CTSA: variants seen among roughly 807,000 people sequenced by gnomAD.
CTSA encodes cathepsin A.
CTSA carries 42 observed loss-of-function variants against 66.7 expected under a neutral mutation model. The ratio of observed to expected loss-of-function variants is 0.63; its 90% confidence interval spans 0.49 to 0.81. The LOEUF is 0.81. CTSA is among the 40% of genes least tolerant of loss of function. The probability of loss-of-function intolerance (pLI) is 0.00; values close to 1 mark genes in which losing one functional copy is unlikely to be tolerated. For missense variants in CTSA, 525 were observed against 610.9 expected, an observed-to-expected ratio of 0.86 and a Z score of 1.48; for synonymous variants, 225 against 248.6, an observed-to-expected ratio of 0.91 and a Z score of 0.89.
In CTSA at chr20:45,891,936, A is replaced by AT. The variant is rs1986976160; in HGVS notation, c.216dup (p.Pro73SerfsTer67). On this transcript the variant is annotated frameshift_variant, in exon 3 of 15. Transcript: ENST00000646241. LOFTEE classifies it high-confidence loss of function. This position sits in a 1 kb window ranked among gnomAD's most constrained non-coding sequence, Gnocchi z 4.6. Reference sequence around the variant, plus strand: ...CCCAGGTTTGTGGAGTCCCAGAAGGATCCCGAGAACAGCCCTGTGGTGCTT... The same window carrying AT: ...CCCAGGTTTGTGGAGTCCCAGAAGGATTCCCGAGAACAGCCCTGTGGTGCTT... 1.9e-6 allele frequency: 3 copies of AT among 1,614,094 alleles called. No homozygotes were observed. Among genetic ancestry groups the AT allele is most frequent in the Non-Finnish European group, 2.5e-6 (3 of 1,179,992 alleles).
chr20:45,893,460 G>A, intron 7 of CTSA, 149 bp downstream of exon 7: 1 of 660,832 alleles, frequency 1.5e-6, no homozygotes. Flanking sequence ...AAAGGCCAAA[G>A]AATAGAGATC....
rs1307229203 is a variant in CTSA at position 45,894,986 on chromosome 20, C to A, written c.949-8C>A. The A allele has an allele frequency of 6.2e-7, 1 of 1,614,154 alleles. No individual in the cohort carries two copies. The highest frequency in any genetic ancestry group is 1.7e-5 in the Admixed American group (1 of 60,030). ...CAGAGGCCCTGACCCACTGTCTGTGCCTTCCAGGCACTGCTGCGCTCAGGG... is the reference window on the plus strand; with the variant it reads ...CAGAGGCCCTGACCCACTGTCTGTGACTTCCAGGCACTGCTGCGCTCAGGG... On this transcript the variant is annotated splice_polypyrimidine_tract_variant and splice_region_variant and intron_variant, in intron 10 of 14. Transcript: ENST00000646241.
At chr20:45,892,970 C>G in intron 6 of CTSA, 90 bp downstream of exon 6, 4 of 1,473,776 alleles carry the variant, frequency 2.7e-6, no homozygotes, top group Non-Finnish European at 3.7e-6. Context: ...ATGTCCCCAT[C>G]CAACCCAGCT....
intron 11 of CTSA, chr20:45,896,296 C>T (rs1188485224): frequency 6.5e-6 from 1 of 153,578 alleles, no homozygotes; most frequent in Non-Finnish European, 1.4e-5. Context: ...AGCAGGGCTG[C>T]TCAGGTCCAT....
Position 45,892,775 on chromosome 20 carries a change from G to T in CTSA, c.495G>T (p.Pro165=). 6.2e-7 allele frequency: 1 copy of T among 1,614,108 alleles called. No individual in the cohort carries two copies. The highest frequency in any genetic ancestry group is 8.5e-7 in the Non-Finnish European group (1 of 1,180,040). ...EALQDFFRLF[P]EYKNNKLFLT... is the part of the protein sequence containing the mutation. The stretch of plus-strand genomic sequence containing the variant: ...TTCAAGATTTCTTCCGCCTCTTTCC[G>T]GAGTACAAGAACAACAAACTTTTCC... Residue 165 remains proline, a synonymous_variant, in exon 6 of 15, where the codon CCG becomes CCT. Transcript: ENST00000646241.
rs771732318 is a variant in CTSA at position 45,897,039 on chromosome 20, A to G, written c.1163A>G (p.Gln388Arg). Residue 388 changes from glutamine to arginine, a missense_variant and splice_region_variant, in exon 12 of 15, where the codon CAG becomes CGG. Coordinates refer to ENST00000646241, the MANE Select transcript of CTSA (RefSeq NM_000308.4). ...NSQYLKLLSS[Q>R]KYQILLYNGD... Reference sequence around the variant, plus strand: ...CAGTATCTGAAGCTGCTTAGCTCACAGGTGAGTGGGGAGAGCACAGCTGGA... The same window carrying G: ...CAGTATCTGAAGCTGCTTAGCTCACGGGTGAGTGGGGAGAGCACAGCTGGA... The G allele has an allele frequency of 2.5e-5, 41 of 1,612,066 alleles. No individual in the cohort carries two copies. Among genetic ancestry groups the G allele is most frequent in the Non-Finnish European group, 3.4e-5 (40 of 1,178,448 alleles).
intron 3 of CTSA, 51 bp from the exon 4 acceptor site, chr20:45,892,222 C>G: frequency 6.3e-7 from 1 of 1,597,098 alleles, no homozygotes; most frequent in Non-Finnish European, 8.6e-7. Flanking sequence ...GGCCCTTTCC[C>G]TCCACCCAGC....
In CTSA at chr20:45,898,284, G is replaced by A. The variant is rs2083134658; in HGVS notation, c.1360-83G>A. On this transcript the variant is annotated intron_variant, in intron 14 of 14. Coordinates refer to ENST00000646241, the MANE Select transcript of CTSA (RefSeq NM_000308.4). This position sits in a 1 kb window ranked among gnomAD's most constrained non-coding sequence, Gnocchi z 4.6. ...GTTCTGGGAAGAATAAAGGGTTTGG[G>A]ATGAAGGAATTGCCCCCGAGTGAGC... 2.2e-6 allele frequency: 3 copies of A among 1,391,932 alleles called. No homozygotes were observed. The highest frequency in any genetic ancestry group is 4.9e-5 in the East Asian group (2 of 41,146). 86.2% of individuals were successfully genotyped at this position (1,391,932 alleles called of 1,614,324 possible). A position where few individuals can be genotyped will look rare whatever the true frequency, so the allele number is the denominator to read the frequency against.
rs996511648 is a variant in CTSA, at chr20:45,893,851, T to C, written c.693-137T>C. Reference sequence around the variant, plus strand: ...TCTTTGGGAGCTAGCTTAGATGACATACAGACCACACCCTGTGATATCTTT... The same window carrying C: ...TCTTTGGGAGCTAGCTTAGATGACACACAGACCACACCCTGTGATATCTTT... On this transcript the variant is annotated intron_variant, in intron 7 of 14. Coordinates refer to ENST00000646241, the MANE Select transcript of CTSA (RefSeq NM_000308.4). The C allele has an allele frequency of 1.1e-5, 8 of 736,698 alleles. No homozygotes were observed. In the African/African-American group the frequency reaches 1.2e-4, roughly 11 times the overall value. The allele number at this position is 736,698 out of a possible 1,614,324, so 45.6% of individuals were successfully genotyped here.
chr20:45,897,555 G>T, intron 12 of CTSA, 162 bp from the exon 13 acceptor site: 1 of 648,318 alleles, frequency 1.5e-6, no homozygotes, highest in Non-Finnish European at 2.8e-6. Flanking sequence ...ACATTTAGTA[G>T]AATACTGGAC....
Position 45,893,033 on chromosome 20 carries a change from C to G in CTSA, c.600+153C>G. 4.0e-6 allele frequency: 4 copies of G among 1,006,030 alleles called. No homozygotes were observed. In the South Asian group the frequency reaches 5.5e-5, roughly 14 times the overall value. The allele number at this position is 1,006,030 out of a possible 1,614,324, so 62.3% of individuals were successfully genotyped here. ...GCCCTAGGTCTGTCTGTGTGCCTCC[C>G]ACACAGGAAACTCACCTGTCAGGCT... On this transcript the variant is annotated intron_variant, in intron 6 of 14. Coordinates refer to ENST00000646241, the MANE Select transcript of CTSA (RefSeq NM_000308.4).
At position 45,892,833 on chromosome 20, in the gene CTSA, C is replaced by A; in HGVS notation, c.553C>A (p.Pro185Thr). ...TGESYAGIYI[P>T]TLAVLVMQDP... ...GGAGAGCTATGCTGGCATCTACATCCCCACCCTGGCCGTGCTGGTCATGCA... is the reference window on the plus strand; with the variant it reads ...GGAGAGCTATGCTGGCATCTACATCACCACCCTGGCCGTGCTGGTCATGCA... The change falls in exon 6 of 15, where the codon CCC becomes ACC. Residue 185 changes from proline to threonine, a missense_variant. Around this residue, in one of 3 missense-constraint regions of CTSA, gnomAD observed 246 missense variants for 267.4 expected, o/e 0.92. Coordinates refer to ENST00000646241, the MANE Select transcript of CTSA (RefSeq NM_000308.4). 1 of 1,614,156 alleles carries A rather than the reference C, an allele frequency of 6.2e-7. No homozygotes were observed. Among genetic ancestry groups the A allele is most frequent in the Middle Eastern group, 1.6e-4 (1 of 6,062 alleles).
chr20:45,891,788 G>A lies in CTSA; in HGVS notation c.194+26G>A, dbSNP rs1986961745. The A allele has an allele frequency of 6.2e-7, 1 of 1,613,378 alleles. No individual in the cohort carries two copies. Among genetic ancestry groups the A allele is most frequent in the Admixed American group, 1.7e-5 (1 of 60,002 alleles). ...GTCTGCCGCCCTGCCTTCTGGGCGG[G>A]ATTGGGAGAAGAGATGACGGATGAG... is the stretch of plus-strand genomic sequence containing the variant. On this transcript the variant is annotated intron_variant, in intron 2 of 14. Transcript: ENST00000646241. The surrounding 1 kb of genome is among the most constrained non-coding windows in gnomAD (Gnocchi z 4.6).
Position 45,898,101 on chromosome 20 carries a change from A to G in CTSA, c.1351A>G (p.Thr451Ala), listed in dbSNP as rs1484324356. 6.2e-7 allele frequency: 1 copy of G among 1,613,972 alleles called. No homozygotes were observed. The highest frequency in any genetic ancestry group is 1.1e-5 in the South Asian group (1 of 91,080). The change falls in exon 14 of 15, where the codon ACG (threonine) becomes GCG (alanine). Residue 451 changes from threonine (T) to alanine (A), a missense_variant. This residue lies in a region of CTSA where 274 missense variants were observed against 321.1 expected (regional missense o/e 0.85). Transcript: ENST00000646241. This position sits in a 1 kb window ranked among gnomAD's most constrained non-coding sequence, Gnocchi z 4.6. ...GGAGTTCTCCCACATCGCCTTTCTC[A>G]CGATCAAGGTAGGGACTGGGCCTGC... ...VKEFSHIAFL[T>A]IKGAGHMVPT...
chr20:45,891,492 C>T lies in CTSA; in HGVS notation c.1-77C>T. 1 of 1,549,138 alleles carries T rather than the reference C, an allele frequency of 6.5e-7. No homozygotes were observed. Among genetic ancestry groups the T allele is most frequent in the South Asian group, 1.2e-5 (1 of 85,402 alleles). The stretch of plus-strand genomic sequence containing the variant: ...GGCCGGGGCTTCCCTCGCGGAGGCG[C>T]CGCCAGCAACTCCCCGGGGGCTGCT... On this transcript the variant is annotated intron_variant, in intron 1 of 14. Coordinates refer to ENST00000646241, the MANE Select transcript of CTSA (RefSeq NM_000308.4). The surrounding 1 kb of genome is among the most constrained non-coding windows in gnomAD (Gnocchi z 4.6).
At position 45,891,397 on chromosome 20, in the gene CTSA, G is replaced by A. The variant is rs1162144111; in HGVS notation, c.-1+18G>A. 2 of 1,564,986 alleles carry A rather than the reference G, an allele frequency of 1.3e-6. No individual in the cohort carries two copies. The highest frequency in any genetic ancestry group is 1.7e-6 in the Non-Finnish European group (2 of 1,155,628). On this transcript the variant is annotated intron_variant, in intron 1 of 14. Transcript: ENST00000646241. The surrounding 1 kb of genome is among the most constrained non-coding windows in gnomAD (Gnocchi z 4.6). ...GAGCAGAGGTGAGCTGGCACCGGAG[G>A]CTGGAGGGGATCCCCGAGCCCGGGA...
At position 45,894,833 on chromosome 20, in the gene CTSA, G is replaced by T. The variant is rs142892564; in HGVS notation, c.880G>T (p.Asp294Tyr). 1 of 1,613,966 alleles carries T rather than the reference G, an allele frequency of 6.2e-7. No individual in the cohort carries two copies. Among genetic ancestry groups the T allele is most frequent in the Non-Finnish European group, 8.5e-7 (1 of 1,180,012 alleles). ...CACCTCACATTGCAGGTATGAGAAG[G>T]ACACTGTTGTGGTCCAGGATTTGGG... ...GVPSHFRYEKDTVVVQDLGNI... is the reference protein window; with the variant it reads ...GVPSHFRYEKYTVVVQDLGNI... Residue 294 changes from aspartate (D) to tyrosine (Y), a missense_variant, in exon 10 of 15, where the codon GAC becomes TAC. By Grantham distance (160) the Asp-to-Tyr change is radical. This residue lies in a region of CTSA where 274 missense variants were observed against 321.1 expected (regional missense o/e 0.85). Coordinates refer to ENST00000646241, the MANE Select transcript of CTSA (RefSeq NM_000308.4).
Position 45,898,278 on chromosome 20 carries a change from G to T in CTSA, c.1360-89G>T, listed in dbSNP as rs2083134560. On this transcript the variant is annotated intron_variant, in intron 14 of 14. Transcript: ENST00000646241. This position sits in a 1 kb window ranked among gnomAD's most constrained non-coding sequence, Gnocchi z 4.6. ...GGGAGGGTTCTGGGAAGAATAAAGG[G>T]TTTGGGATGAAGGAATTGCCCCCGA... The T allele has an allele frequency of 3.6e-6, 5 of 1,375,218 alleles. No individual in the cohort carries two copies. The highest frequency in any genetic ancestry group is 4.1e-6 in the Non-Finnish European group (4 of 981,274). The allele number at this position is 1,375,218 out of a possible 1,614,324, so 85.2% of individuals were successfully genotyped here.
rs1382742433 is a variant in CTSA, at chr20:45,898,254, G to A, written c.1360-113G>A. On this transcript the variant is annotated intron_variant, in intron 14 of 14. Coordinates refer to ENST00000646241, the MANE Select transcript of CTSA (RefSeq NM_000308.4). The surrounding 1 kb of genome is among the most constrained non-coding windows in gnomAD (Gnocchi z 4.6). ...GGCAAGTTTTTTTGGAGAGGGGTGG[G>A]GAGGGTTCTGGGAAGAATAAAGGGT... 1.5e-6 allele frequency: 2 copies of A among 1,305,644 alleles called. No individual in the cohort carries two copies. The highest frequency in any genetic ancestry group is 2.2e-6 in the Non-Finnish European group (2 of 920,424). 80.9% of individuals were successfully genotyped at this position (1,305,644 alleles called of 1,614,324 possible). A position where few individuals can be genotyped will look rare whatever the true frequency, so the allele number is the denominator to read the frequency against.
Sources: allele counts gnomAD v4.1 joint callset, GRCh38; gene constraint gnomAD v4.1.1; regional missense constraint gnomAD v4.1.1; non-coding constraint Gnocchi (gnomAD v3.1); transcripts MANE v1.5; gene names NCBI Gene and HGNC (gene_info 2026-07-23, HGNC 2026-07-21).